SORCS1: variants seen among roughly 807,000 people sequenced by gnomAD.
SORCS1 encodes the protein VPS10 domain-containing receptor SorCS1.
A neutral mutation model predicts 146.1 loss-of-function variants in SORCS1; 60 were observed. The ratio of observed to expected loss-of-function variants is 0.41; its 90% confidence interval spans 0.33 to 0.51. The LOEUF is 0.51. Among genes scored for constraint, SORCS1 ranks in the 20% least tolerant of loss-of-function variants. The pLI, the probability that SORCS1 is intolerant of heterozygous loss-of-function variation, is 0.21. For missense variants in SORCS1, 1,352 were observed against 1,487.6 expected, an observed-to-expected ratio of 0.91 and a Z score of 1.50; for synonymous variants, 637 against 584.0, an observed-to-expected ratio of 1.09 and a Z score of -1.31.
chr10:106,621,477 G>T (rs1290616206), intron 19 of SORCS1, among the ~76,000 whole-genome samples: 1 of 151,482 alleles, frequency 6.6e-6, no homozygotes, highest in Non-Finnish European at 1.5e-5. Flanking sequence ...CCAGAGTCCT[G>T]TGTTGAGACT....
chr10:107,065,559 C>T (rs1170831153), intron 1 of SORCS1, among the ~76,000 whole-genome samples: 1 of 140,212 alleles, frequency 7.1e-6, no homozygotes, highest in African/African-American at 2.9e-5. Flanking sequence ...GCTCAGTCAC[C>T]CAGGCTAGAG....
At chr10:107,040,269 C>G (rs1321163249) in intron 1 of SORCS1, among the ~76,000 whole-genome samples, 1 of 152,036 alleles carries the variant, frequency 6.6e-6, no homozygotes, top group Non-Finnish European at 1.5e-5. Flanking sequence ...TAGTTTTCTT[C>G]TTGCCATGTT....
chr10:106,668,810 G>A (rs913554533), intron 16 of SORCS1, among the ~76,000 whole-genome samples: 1 of 152,146 alleles, frequency 6.6e-6, no homozygotes, highest in African/African-American at 2.4e-5. Context: ...GCTTCAGGAA[G>A]TTACTTTACG....
chr10:106,952,343 A>C (rs1420499200), intron 2 of SORCS1, among the ~76,000 whole-genome samples: 1 of 151,968 alleles, frequency 6.6e-6, no homozygotes, highest in East Asian at 1.9e-4. Context: ...GTGCTAGGCC[A>C]CCTAGTTTCC....
intron 1 of SORCS1, among the ~76,000 whole-genome samples, chr10:107,152,183 T>A (rs1282452711): frequency 1.3e-5 from 2 of 152,128 alleles, no homozygotes; most frequent in African/African-American, 4.8e-5. Flanking sequence ...GCCCTGTGGG[T>A]GTGCAGAAGA....
chr10:106,867,300 T>TG (rs36019575), intron 2 of SORCS1, among the ~76,000 whole-genome samples: 5,252 of 152,092 alleles, frequency 0.035, 101 homozygotes, highest in East Asian at 0.059. Context: ...TTTTTTTTTT[T>TG]TTGAAACGGA....
intron 10 of SORCS1, among the ~76,000 whole-genome samples, chr10:106,682,927 G>A (rs1045582384): frequency 1.3e-5 from 2 of 152,190 alleles, no homozygotes; most frequent in African/African-American, 2.4e-5. Context: ...CACATGCTTG[G>A]AAGCTGCCCT....
intron 1 of SORCS1, among the ~76,000 whole-genome samples, chr10:107,098,197 G>T (rs983226075): frequency 1.3e-5 from 2 of 152,142 alleles, no homozygotes; most frequent in Non-Finnish European, 2.9e-5. Flanking sequence ...AGGTTATTAT[G>T]ATGTTTCTCA....
At chr10:106,955,452 T>C (rs1207763790) in intron 2 of SORCS1, among the ~76,000 whole-genome samples, 1 of 152,212 alleles carries the variant, frequency 6.6e-6, no homozygotes, top group African/African-American at 2.4e-5. Context: ...TGCAGCCTGA[T>C]GGGCTAAGTG....
rs1467427037 is a variant in SORCS1 at position 107,163,957 on chromosome 10, C to CA, written c.558+11dup. 3.7e-6 allele frequency: 6 copies of CA among 1,608,682 alleles called. No homozygotes were observed. Among genetic ancestry groups the CA allele is most frequent in the Non-Finnish European group, 5.1e-6 (6 of 1,176,396 alleles). On this transcript the variant is annotated intron_variant, in intron 1 of 25. Coordinates refer to ENST00000263054, the MANE Select transcript of SORCS1 (RefSeq NM_052918.5). Reference sequence around the variant, plus strand: ...CTTTCCACCCCTTTACCCTCAGTCCCATTCTACTCACGCTGCTGTTGTGGC... The same window carrying CA: ...CTTTCCACCCCTTTACCCTCAGTCCCAATTCTACTCACGCTGCTGTTGTGGC...
At chr10:107,035,761 A>G (rs1248472615) in intron 1 of SORCS1, among the ~76,000 whole-genome samples, 1 of 152,176 alleles carries the variant, frequency 6.6e-6, no homozygotes, top group East Asian at 1.9e-4. Context: ...ACAGACTAAT[A>G]GGTAAAGGGA....
chr10:107,150,753 C>T (rs544337939), intron 1 of SORCS1, among the ~76,000 whole-genome samples: 22 of 152,268 alleles, frequency 1.4e-4, no homozygotes, highest in East Asian at 3.9e-4. Context: ...TGAGTTCTCA[C>T]GAGAACTGAT....
At chr10:106,692,561 C>A (rs992250728) in intron 9 of SORCS1, among the ~76,000 whole-genome samples, 1 of 152,154 alleles carries the variant, frequency 6.6e-6, no homozygotes, top group South Asian at 2.1e-4. Flanking sequence ...GCTCTGTGAA[C>A]ACACTAGAAA....
chr10:106,618,142 C>A lies in SORCS1; in HGVS notation c.2920+7G>T, dbSNP rs1293945730. On this transcript the variant is annotated splice_region_variant and intron_variant, in intron 21 of 25. Coordinates refer to ENST00000263054, the MANE Select transcript of SORCS1 (RefSeq NM_052918.5). ...ACAGCAGTAGATCCACTGAGATGGG[C>A]ACTCACCATATACTGCGATGGTCTT... is the stretch of plus-strand genomic sequence containing the variant. 1 of 1,613,846 alleles carries A rather than the reference C, an allele frequency of 6.2e-7. No individual in the cohort carries two copies. Among genetic ancestry groups the A allele is most frequent in the Middle Eastern group, 1.6e-4 (1 of 6,062 alleles).
chr10:107,092,205 T>C (rs985427473), intron 1 of SORCS1, among the ~76,000 whole-genome samples: 2 of 152,158 alleles, frequency 1.3e-5, no homozygotes, highest in East Asian at 1.9e-4. Context: ...AACTGCAAAA[T>C]TGGAGCTTAG....
intron 24 of SORCS1, among the ~76,000 whole-genome samples, chr10:106,586,989 G>A (rs1469041042): frequency 6.6e-6 from 1 of 152,208 alleles, no homozygotes; most frequent in Non-Finnish European, 1.5e-5. Flanking sequence ...ATTGCTGCAC[G>A]CTGGTAGGTA....
intron 23 of SORCS1, among the ~76,000 whole-genome samples, chr10:106,606,164 C>T (rs577797817): frequency 6.6e-6 from 1 of 152,078 alleles, no homozygotes; most frequent in East Asian, 1.9e-4. Flanking sequence ...ACATAATTAT[C>T]CCCACTACAG....
chr10:106,975,875 T>A (rs1434575714), intron 1 of SORCS1, among the ~76,000 whole-genome samples: 2 of 152,116 alleles, frequency 1.3e-5, no homozygotes, highest in African/African-American at 4.8e-5. Flanking sequence ...TGGCTGGGCA[T>A]GGTGGCTCAC....
intron 5 of SORCS1, among the ~76,000 whole-genome samples, chr10:106,738,787 TTTGAGA>T (rs1857147503): frequency 1.3e-5 from 2 of 151,974 alleles, no homozygotes; most frequent in African/African-American, 4.8e-5. Context: ...ACTCCAGGAG[TTTGAGA>T]CCAGCCTGGG....
Sources: gnomAD v4.1 joint callset for allele counts (sites outside exome capture counted in the v4.1 genomes callset) on GRCh38, gnomAD v4.1.1 for gene constraint, MANE v1.5 for transcripts, NCBI Gene and HGNC (gene_info 2026-07-23, HGNC 2026-07-21) for gene names.